BANK1: variants seen among roughly 807,000 people sequenced by gnomAD.
BANK1 encodes B-cell scaffold protein with ankyrin repeats.
A neutral mutation model predicts 94.5 loss-of-function variants in BANK1; 95 were observed. The ratio of observed to expected loss-of-function variants is 1.00; its 90% CI spans 0.85 to 1.19. BANK1 has a LOEUF of 1.19. BANK1 is among the 50% of genes most tolerant of loss of function. The probability of loss-of-function intolerance (pLI) is 0.00; values close to 1 mark genes in which losing one functional copy is unlikely to be tolerated. For synonymous variants in BANK1, 334 were observed against 308.4 expected (o/e 1.08, Z -0.87); for missense variants, 987 against 932.2 (o/e 1.06, Z -0.77).
intron 6 of BANK1, among the ~76,000 whole-genome samples, chr4:101,907,025 C>T (rs1412375753): frequency 6.6e-6 from 1 of 152,200 alleles, no homozygotes; most frequent in Non-Finnish European, 1.5e-5. Flanking sequence ...ACAAACCAGT[C>T]ATTAGCATTG....
intron 7 of BANK1, among the ~76,000 whole-genome samples, chr4:102,000,226 G>C (rs1210324196): frequency 1.3e-5 from 2 of 149,778 alleles, no homozygotes; most frequent in Non-Finnish European, 3.0e-5. Flanking sequence ...AGGAGGCTGA[G>C]GTAGTAGAAT....
At chr4:101,856,590 A>T (rs1023491359) in intron 3 of BANK1, among the ~76,000 whole-genome samples, 3 of 152,236 alleles carry the variant, frequency 2.0e-5, no homozygotes, top group African/African-American at 7.2e-5. Flanking sequence ...TGCTTTTAAA[A>T]ATATCTGCAA....
chr4:101,856,691 G>T (rs1727692025), intron 3 of BANK1, among the ~76,000 whole-genome samples: 1 of 152,124 alleles, frequency 6.6e-6, no homozygotes, highest in Non-Finnish European at 1.5e-5. Context: ...TCTAAGCAAA[G>T]ATGTGTTATT....
At chr4:101,993,967 C>T (rs1274637759) in intron 7 of BANK1, among the ~76,000 whole-genome samples, 2 of 151,938 alleles carry the variant, frequency 1.3e-5, no homozygotes. Flanking sequence ...TACATGGTGC[C>T]ATACAGTCAG....
At chr4:102,016,425 A>T (rs1323204817) in intron 7 of BANK1, among the ~76,000 whole-genome samples, 1 of 152,100 alleles carries the variant, frequency 6.6e-6, no homozygotes, top group African/African-American at 2.4e-5. Flanking sequence ...ACTCTCCAAC[A>T]TTTTTTATTC....
intron 10 of BANK1, 39 bp from the exon 11 acceptor site, chr4:102,043,800 T>A: frequency 7.1e-7 from 1 of 1,402,438 alleles, no homozygotes; most frequent in Non-Finnish European, 9.9e-7. Flanking sequence ...TTTTTGAACG[T>A]TTATGTTCAG....
At position 102,073,707 on chromosome 4, in the gene BANK1, A is replaced by G; in HGVS notation, c.2322A>G (p.Glu774=). 6.2e-7 allele frequency: 1 copy of G among 1,611,828 alleles called. No homozygotes were observed. Among genetic ancestry groups the G allele is most frequent in the Non-Finnish European group, 8.5e-7 (1 of 1,178,796 alleles). ...AGCTTCCTGCTCGACCCCAAGTTGA[A>G]AAGGAATTTGGTTTCTGTTGCAAGA... is the stretch of plus-strand genomic sequence containing the variant. ...SNKLPARPQV[E]KEFGFCCKKD... Residue 774 remains glutamate (E), a synonymous_variant, in exon 16 of 17, where the codon GAA becomes GAG. Coordinates refer to ENST00000322953, the MANE Select transcript of BANK1 (RefSeq NM_017935.5).
rs576573995 is a variant in BANK1 at position 101,829,956 on chromosome 4, G to T, written c.219G>T (p.Leu73=). ...TCTCTTTTCGGCATTTGGAGTTGCTGAACTTAACGTCTTACAAATGTAAAC... is the reference window on the plus strand; with the variant it reads ...TCTCTTTTCGGCATTTGGAGTTGCTTAACTTAACGTCTTACAAATGTAAAC... ...ENFSFRHLEL[L]NLTSYKCKLL... is the part of the protein sequence containing the mutation. Residue 73 remains leucine (L), a synonymous_variant, in exon 2 of 17, where the codon CTG becomes CTT. Coordinates refer to ENST00000322953, the MANE Select transcript of BANK1 (RefSeq NM_017935.5). 65 of 1,613,928 alleles carry T rather than the reference G, an allele frequency of 4.0e-5. No individual in the cohort carries two copies. The African/African-American group carries it at 7.2e-4, about 18-fold the overall frequency.
At chr4:101,976,326 T>G (rs1272927107) in intron 7 of BANK1, among the ~76,000 whole-genome samples, 1 of 152,168 alleles carries the variant, frequency 6.6e-6, no homozygotes, top group Non-Finnish European at 1.5e-5. Flanking sequence ...CTTCTAAGTC[T>G]GAGACTTTCC....
chr4:101,912,247 A>G (rs1722687416), intron 6 of BANK1, among the ~76,000 whole-genome samples: 1 of 152,128 alleles, frequency 6.6e-6, no homozygotes, highest in Non-Finnish European at 1.5e-5. Context: ...ATCCACCCTA[A>G]AAACACCTCC....
intron 1 of BANK1, among the ~76,000 whole-genome samples, chr4:101,818,869 T>A (rs949798970): frequency 8.8e-5 from 12 of 137,116 alleles, no homozygotes; most frequent in South Asian, 2.2e-4. Context: ...GAAAGATTAC[T>A]GTATTTTTTT....
chr4:101,950,733 C>T (rs907729989), intron 7 of BANK1, among the ~76,000 whole-genome samples: 1 of 152,072 alleles, frequency 6.6e-6, no homozygotes, highest in Non-Finnish European at 1.5e-5. Context: ...CAGTGGAAAA[C>T]CTGACAAACA....
At chr4:101,792,255 T>TCCCCCCCC (rs771698917) in intron 1 of BANK1, among the ~76,000 whole-genome samples, 40 of 128,756 alleles carry the variant, frequency 3.1e-4, no homozygotes, top group South Asian at 8.4e-4. Flanking sequence ...TGCATTCCGC[T>TCCCCCCCC]CCCCCCCCGC....
chr4:102,025,074 G>A, intron 8 of BANK1, 127 bp from the exon 9 acceptor site: 1 of 1,008,216 alleles, frequency 9.9e-7, no homozygotes, highest in Non-Finnish European at 1.5e-6. Flanking sequence ...ACATTTGACA[G>A]CTTTTCACTA....
In BANK1 at chr4:102,030,278, G is replaced by A. The variant is rs942400800; in HGVS notation, c.1900+13G>A. 9 of 1,548,404 alleles carry A rather than the reference G, an allele frequency of 5.8e-6. No individual in the cohort carries two copies. The highest frequency in any genetic ancestry group is 1.7e-4 in the Middle Eastern group (1 of 5,746). ...TACATAGCTCAAGGTAATTATCATT[G>A]TTGTTTGTTTACTTGTTAATTTTTT... On this transcript the variant is annotated intron_variant, in intron 10 of 16. Coordinates refer to ENST00000322953, the MANE Select transcript of BANK1 (RefSeq NM_017935.5).
At chr4:102,045,642 C>T (rs1353436780) in intron 11 of BANK1, among the ~76,000 whole-genome samples, 1 of 152,000 alleles carries the variant, frequency 6.6e-6, no homozygotes, top group African/African-American at 2.4e-5. Context: ...TTCTTATACA[C>T]CAACATCAGA....
intron 4 of BANK1, among the ~76,000 whole-genome samples, chr4:101,868,945 A>G (rs898199147): frequency 6.6e-6 from 1 of 151,892 alleles, no homozygotes; most frequent in Admixed American, 6.6e-5. Context: ...TCATTGGAGG[A>G]TTACTCTAAA....
At chr4:101,978,707 T>C (rs757066265) in intron 7 of BANK1, among the ~76,000 whole-genome samples, 18 of 152,044 alleles carry the variant, frequency 1.2e-4, no homozygotes, top group Non-Finnish European at 1.2e-4. Flanking sequence ...AAAAGAATTG[T>C]GGCTTGACCA....
At chr4:102,026,966 C>T (rs1727126980) in intron 9 of BANK1, among the ~76,000 whole-genome samples, 1 of 152,192 alleles carries the variant, frequency 6.6e-6, no homozygotes, top group South Asian at 2.1e-4. Flanking sequence ...GCTCTGAAGC[C>T]TAGTGGATAT....
Sources: allele counts gnomAD v4.1 joint callset (sites outside exome capture counted in the v4.1 genomes callset), GRCh38; gene constraint gnomAD v4.1.1; transcripts MANE v1.5; gene names NCBI Gene and HGNC (gene_info 2026-07-23, HGNC 2026-07-21).